The following SLC35F3 variants were observed in gnomAD, a reference collection of about 807,000 sequenced individuals.
The protein encoded by SLC35F3 is putative thiamine transporter SLC35F3.
SLC35F3 carries 25 observed loss-of-function variants against 49.9 expected under a neutral mutation model. The observed-to-expected ratio is 0.50, with a 90% CI of 0.37 to 0.70. The LOEUF is 0.70. SLC35F3 is among the 30% of genes least tolerant of loss of function. The probability of loss-of-function intolerance (pLI) is 0.00; values close to 1 mark genes in which losing one functional copy is unlikely to be tolerated. For synonymous variants in SLC35F3, 275 were observed against 265.4 expected, an observed-to-expected ratio of 1.04 and a Z score of -0.35; for missense variants, 525 against 639.8, an observed-to-expected ratio of 0.82 and a Z score of 1.94.
At chr1:234,004,032 C>T (rs1051638478) in intron 2 of SLC35F3, among the ~76,000 whole-genome samples, 3 of 152,120 alleles carry the variant, frequency 2.0e-5, no homozygotes, top group Non-Finnish European at 4.4e-5. Flanking sequence ...CTAGGAAGGG[C>T]AATTTGATAG....
chr1:234,145,076 G>T (rs115720075), intron 2 of SLC35F3, among the ~76,000 whole-genome samples: 2,664 of 152,256 alleles, frequency 0.017, 34 homozygotes, highest in Non-Finnish European at 0.024. Flanking sequence ...ATTAAACAGC[G>T]CAAGGCTCAG....
chr1:233,979,647 T>TA (rs1452884865), intron 2 of SLC35F3, among the ~76,000 whole-genome samples: 8 of 151,982 alleles, frequency 5.3e-5, no homozygotes, highest in East Asian at 3.9e-4. Context: ...TGCACTGTTT[T>TA]AAAAAAAACT....
intron 2 of SLC35F3, among the ~76,000 whole-genome samples, chr1:233,989,448 C>G (rs1200187560): frequency 6.6e-6 from 1 of 152,104 alleles, no homozygotes; most frequent in Non-Finnish European, 1.5e-5. Flanking sequence ...GTGGCCTTCT[C>G]TGTTACAACA....
At chr1:233,921,664 T>A (rs1256226424) in intron 2 of SLC35F3, among the ~76,000 whole-genome samples, 1 of 152,092 alleles carries the variant, frequency 6.6e-6, no homozygotes, top group African/African-American at 2.4e-5. Flanking sequence ...TTTTTTTTTA[T>A]TATTATACTT....
chr1:233,994,708 A>T (rs899393000), intron 2 of SLC35F3, among the ~76,000 whole-genome samples: 2 of 152,216 alleles, frequency 1.3e-5, no homozygotes, highest in African/African-American at 4.8e-5. Flanking sequence ...AAATTAAGTG[A>T]TTGGGTTGTA....
intron 3 of SLC35F3, chr1:234,261,654 G>A (rs986334363): frequency 4.6e-5 from 7 of 152,038 alleles, no homozygotes; most frequent in South Asian, 4.1e-4. Context: ...CTCATCCTGT[G>A]ACTAAGAATG....
chr1:234,145,846 GATCAT>G (rs564864127), intron 2 of SLC35F3, among the ~76,000 whole-genome samples: 103 of 152,086 alleles, frequency 6.8e-4, no homozygotes, highest in African/African-American at 2.3e-3. Flanking sequence ...TGTTTATGAC[GATCAT>G]ATCATCTTTC....
chr1:234,266,881 T>TG lies in SLC35F3; in HGVS notation c.608+35140_608+35141insG, dbSNP rs1396067585. On this transcript the variant is annotated intron_variant, in intron 3 of 7. Transcript: ENST00000366618. ...TCCATATGAAGCACATGGTTTTTTT[T>TG]TTTTTTTTTTTTTTTTATTGATCAT... 3.7e-3 allele frequency among the ~76,000 whole-genome samples: 547 copies of TG among 148,146 alleles called. 2 individuals carry two copies. The highest frequency in any genetic ancestry group is 4.8e-3 in the African/African-American group (193 of 40,176).
intron 2 of SLC35F3, among the ~76,000 whole-genome samples, chr1:234,168,275 C>T (rs1399498177): frequency 1.3e-5 from 2 of 152,250 alleles, no homozygotes; most frequent in Non-Finnish European, 2.9e-5. Context: ...TGGCACTGAG[C>T]TTCTCAGAGA....
In SLC35F3 at chr1:234,231,487, G is replaced by T; in HGVS notation, c.354G>T (p.Gly118=). The T allele has an allele frequency of 6.2e-7, 1 of 1,612,510 alleles. No homozygotes were observed. The highest frequency in any genetic ancestry group is 8.5e-7 in the Non-Finnish European group (1 of 1,179,298). Residue 118 remains glycine (G), a synonymous_variant, in exon 3 of 8, where the codon GGG becomes GGT. Transcript: ENST00000366618. This position sits in a 1 kb window ranked among gnomAD's most constrained non-coding sequence, Gnocchi z 5.4. ...CACCGGCCGGGGTGGAGGCCGGCGG[G>T]AGAGCGAGTCGCCGCTGCTGGACGT... ...AQAPAGVEAG[G]RASRRCWTCS...
intron 3 of SLC35F3, among the ~76,000 whole-genome samples, chr1:234,260,357 A>G (rs1013987805): frequency 6.6e-6 from 1 of 152,206 alleles, no homozygotes; most frequent in Admixed American, 6.5e-5. Context: ...CTTAAAAAAA[A>G]GAGAAAAAAC....
At position 234,046,633 on chromosome 1, in the gene SLC35F3, C is replaced by T. The variant is rs770966881; in HGVS notation, c.283+140875C>T. ...ATTTTACTCATGGTTTATACTTTTT[C>T]ATATATACATATTTCTTGTCTAAGA... On this transcript the variant is annotated intron_variant, in intron 2 of 7. Transcript: ENST00000366618. This position sits in a 1 kb window ranked among gnomAD's most constrained non-coding sequence, Gnocchi z 4.4. Among the ~76,000 whole-genome samples the T allele has an allele frequency of 6.6e-6, 1 of 152,074 alleles. No homozygotes were observed. The highest frequency in any genetic ancestry group is 1.5e-5 in the Non-Finnish European group (1 of 67,998).
intron 2 of SLC35F3, among the ~76,000 whole-genome samples, chr1:234,077,746 T>TC (rs1664814297): frequency 1.3e-5 from 2 of 152,148 alleles, no homozygotes; most frequent in East Asian, 1.9e-4. Flanking sequence ...GGGGCTCAAC[T>TC]CCAGAAAAAT....
At chr1:233,922,594 G>A (rs1165940955) in intron 2 of SLC35F3, among the ~76,000 whole-genome samples, 5 of 150,228 alleles carry the variant, frequency 3.3e-5, no homozygotes, top group South Asian at 2.1e-4. Context: ...CCATTCTGTA[G>A]GTTGCCTGTT....
At chr1:234,285,562 A>G in intron 3 of SLC35F3, 1 of 301,162 alleles carries the variant, frequency 3.3e-6, no homozygotes, top group Non-Finnish European at 6.5e-6. Flanking sequence ...AGAGTTGTCC[A>G]GCTACAGACA....
Position 234,027,442 on chromosome 1 carries a change from C to T in SLC35F3, c.283+121684C>T, listed in dbSNP as rs943961555. Among the ~76,000 whole-genome samples, 4 of 152,200 alleles carry T rather than the reference C, an allele frequency of 2.6e-5. No homozygotes were observed. The highest frequency in any genetic ancestry group is 7.2e-5 in the African/African-American group (3 of 41,442). On this transcript the variant is annotated intron_variant, in intron 2 of 7. Transcript: ENST00000366618. The surrounding 1 kb of genome is among the most constrained non-coding windows in gnomAD (Gnocchi z 4.1). Reference sequence around the variant, plus strand: ...GGAAAACTGCCTGGAGATTAAGTTTCGACTTGAGTTTTGGAGGGGACACAC... The same window carrying T: ...GGAAAACTGCCTGGAGATTAAGTTTTGACTTGAGTTTTGGAGGGGACACAC...
chr1:234,079,296 C>T (rs1664840896), intron 2 of SLC35F3, among the ~76,000 whole-genome samples: 1 of 152,068 alleles, frequency 6.6e-6, no homozygotes, highest in African/African-American at 2.4e-5. Context: ...AGGGGTCTAA[C>T]TTCATTATTT....
At chr1:234,312,784 G>T (rs16842939) in intron 4 of SLC35F3, among the ~76,000 whole-genome samples, 20,616 of 152,126 alleles carry the variant, frequency 0.14, 1,777 homozygotes, top group African/African-American at 0.24. Context: ...AATCTAAAAA[G>T]CTTCCAAATG....
At chr1:234,296,291 A>T (rs1668592023) in intron 3 of SLC35F3, among the ~76,000 whole-genome samples, 1 of 151,956 alleles carries the variant, frequency 6.6e-6, no homozygotes, top group Non-Finnish European at 1.5e-5. Context: ...TTTGCAAGGG[A>T]TGGTCCTATG....
Sources: allele counts gnomAD v4.1 joint callset (sites outside exome capture counted in the v4.1 genomes callset), GRCh38; gene constraint gnomAD v4.1.1; non-coding constraint Gnocchi (gnomAD v3.1); transcripts MANE v1.5; gene names NCBI Gene and HGNC (gene_info 2026-07-23, HGNC 2026-07-21).